CDH13: variants seen among roughly 807,000 people sequenced by gnomAD.
CDH13 encodes cadherin 13.
A neutral mutation model predicts 63.8 loss-of-function variants in CDH13; 24 were observed. The observed-to-expected ratio is 0.38, with a 90% CI of 0.27 to 0.53. The LOEUF (loss-of-function observed/expected upper bound fraction) is 0.53, where lower values mean the gene tolerates loss of function less well. CDH13 is among the 20% of genes least tolerant of loss of function. CDH13 has a pLI of 0.85. For synonymous variants in CDH13, 503 were observed against 355.3 expected (o/e 1.42, Z -4.67); for missense variants, 1,049 against 903.1 (o/e 1.16, Z -2.07).
At chr16:82,966,200 G>C (rs1232193340) in intron 2 of CDH13, among the ~76,000 whole-genome samples, 2 of 152,218 alleles carry the variant, frequency 1.3e-5, no homozygotes, top group Admixed American at 6.5e-5. Context: ...CCAGGCTGGA[G>C]TGCAGTGGTG....
intron 5 of CDH13, among the ~76,000 whole-genome samples, chr16:83,340,303 T>C (rs1022216359): frequency 6.3e-5 from 4 of 63,716 alleles, no homozygotes; most frequent in Non-Finnish European, 9.9e-5. Flanking sequence ...TGCCTACATC[T>C]GAGTGTGTGT....
chr16:83,787,061 A>G (rs9931818), intron 13 of CDH13, among the ~76,000 whole-genome samples: 20,071 of 152,158 alleles, frequency 0.13, 2,230 homozygotes, highest in African/African-American at 0.31. Context: ...ACAAACTGAC[A>G]CATACACTCA....
chr16:83,178,112 C>G (rs895556456), intron 4 of CDH13, among the ~76,000 whole-genome samples: 7 of 152,126 alleles, frequency 4.6e-5, no homozygotes, highest in African/African-American at 1.4e-4. Flanking sequence ...CTGAAAAGCC[C>G]TGGTTTTGGC....
intron 6 of CDH13, among the ~76,000 whole-genome samples, chr16:83,398,825 G>T (rs1367339212): frequency 6.6e-6 from 1 of 152,186 alleles, no homozygotes; most frequent in Non-Finnish European, 1.5e-5. Context: ...TCATGGGATT[G>T]ATTTATTGTG....
intron 6 of CDH13, among the ~76,000 whole-genome samples, chr16:83,448,231 A>C (rs1481421256): frequency 2.6e-5 from 4 of 152,156 alleles, no homozygotes; most frequent in Non-Finnish European, 5.9e-5. Flanking sequence ...ATGTGGTATC[A>C]CTGATATGTA....
chr16:83,406,861 A>C (rs1246263405), intron 6 of CDH13, among the ~76,000 whole-genome samples: 2 of 152,228 alleles, frequency 1.3e-5, no homozygotes, highest in Non-Finnish European at 2.9e-5. Context: ...AATCTACCTC[A>C]ATAGAGTATT....
chr16:82,814,440 C>T (rs1412345749), intron 1 of CDH13, among the ~76,000 whole-genome samples: 1 of 152,108 alleles, frequency 6.6e-6, no homozygotes, highest in African/African-American at 2.4e-5. Context: ...CTGAGTTGAT[C>T]ACCAACGGTC....
chr16:82,970,864 T>C (rs1908637251), intron 2 of CDH13, among the ~76,000 whole-genome samples: 1 of 152,250 alleles, frequency 6.6e-6, no homozygotes, highest in Non-Finnish European at 1.5e-5. Context: ...ATTAAAATTA[T>C]TGCAAGAGCA....
chr16:82,766,753 C>G (rs1446238452), intron 1 of CDH13, among the ~76,000 whole-genome samples: 1 of 152,156 alleles, frequency 6.6e-6, no homozygotes, highest in Non-Finnish European at 1.5e-5. Context: ...GCTTTCTTCT[C>G]AGCATTCCTC....
intron 2 of CDH13, among the ~76,000 whole-genome samples, chr16:82,871,232 C>T (rs904300724): frequency 6.6e-6 from 1 of 152,064 alleles, no homozygotes; most frequent in Non-Finnish European, 1.5e-5. Flanking sequence ...ATTGTTGATA[C>T]AGGTAATGTA....
intron 2 of CDH13, among the ~76,000 whole-genome samples, chr16:82,946,831 A>G (rs1904775179): frequency 6.6e-6 from 1 of 152,222 alleles, no homozygotes; most frequent in Non-Finnish European, 1.5e-5. Context: ...AATTCACTGA[A>G]CGTCAAAATG....
intron 3 of CDH13, among the ~76,000 whole-genome samples, chr16:83,092,899 A>G (rs551861083): frequency 8.5e-5 from 13 of 152,210 alleles, no homozygotes; most frequent in African/African-American, 2.9e-4. Context: ...GCACTGTTTC[A>G]TTTATAAAAA....
At chr16:83,612,028 C>T (rs189497885) in intron 8 of CDH13, among the ~76,000 whole-genome samples, 2 of 152,018 alleles carry the variant, frequency 1.3e-5, no homozygotes, top group Admixed American at 1.3e-4. Flanking sequence ...ATCAGTTAGG[C>T]CAAGGTTTAC....
intron 7 of CDH13, among the ~76,000 whole-genome samples, chr16:83,490,096 C>G (rs1390433170): frequency 6.6e-6 from 1 of 151,828 alleles, no homozygotes; most frequent in African/African-American, 2.4e-5. Flanking sequence ...ACAAAGCAAA[C>G]GTGTGTTTCC....
intron 6 of CDH13, among the ~76,000 whole-genome samples, chr16:83,416,994 A>G (rs987682850): frequency 6.6e-6 from 1 of 152,226 alleles, no homozygotes; most frequent in Non-Finnish European, 1.5e-5. Flanking sequence ...GTGTTTTTAA[A>G]ATCAGTAATA....
chr16:82,720,472 C>A (rs1253079037), intron 1 of CDH13, among the ~76,000 whole-genome samples: 2 of 151,966 alleles, frequency 1.3e-5, no homozygotes, highest in East Asian at 1.9e-4. Context: ...AGGAACTGAC[C>A]CTGGACAGGA....
intron 7 of CDH13, among the ~76,000 whole-genome samples, chr16:83,597,238 CAA>C (rs1428912919): frequency 4.5e-5 from 6 of 133,308 alleles, no homozygotes; most frequent in African/African-American, 1.4e-4. Context: ...CACACACACA[CAA>C]AAAGTAGAAA....
chr16:83,568,569 G>A (rs1034512377), intron 7 of CDH13, among the ~76,000 whole-genome samples: 10 of 152,150 alleles, frequency 6.6e-5, no homozygotes, highest in Admixed American at 1.3e-4. Context: ...TTAACCCAAC[G>A]GAGTAAATCT....
chr16:82,721,268 A>T (rs552749152), intron 1 of CDH13, among the ~76,000 whole-genome samples: 7 of 152,260 alleles, frequency 4.6e-5, no homozygotes, highest in Admixed American at 1.3e-4. Context: ...TAAACAAAGG[A>T]TCATATTGCA....
Sources: gnomAD v4.1 joint callset for allele counts (sites outside exome capture counted in the v4.1 genomes callset) on GRCh38, gnomAD v4.1.1 for gene constraint, MANE v1.5 for transcripts, NCBI Gene and HGNC (gene_info 2026-07-23, HGNC 2026-07-21) for gene names.